TENM4: variants seen among roughly 807,000 people sequenced by gnomAD.
TENM4 encodes the protein teneurin transmembrane protein 4.
TENM4 carries 82 observed loss-of-function variants against 243.3 expected under a neutral mutation model. The observed-to-expected ratio is 0.34, with a 90% CI of 0.28 to 0.40. The LOEUF (loss-of-function observed/expected upper bound fraction) is 0.40, where lower values mean the gene tolerates loss of function less well. TENM4 is among the 10% of genes least tolerant of loss of function. TENM4 has a pLI of 1.00. For missense variants in TENM4, 3,138 were observed against 3,673.3 expected (o/e 0.85, Z 3.77); for synonymous variants, 1,412 against 1,456.3 (o/e 0.97, Z 0.69).
chr11:78,675,123 T>A (rs1858434215), intron 30 of TENM4, among the ~76,000 whole-genome samples: 1 of 152,086 alleles, frequency 6.6e-6, no homozygotes, highest in African/African-American at 2.4e-5. Context: ...TGCCTCAGCC[T>A]CCCAAAGTGC....
intron 12 of TENM4, among the ~76,000 whole-genome samples, chr11:78,820,410 A>G (rs1271900171): frequency 1.3e-5 from 2 of 152,210 alleles, no homozygotes; most frequent in African/African-American, 4.8e-5. Flanking sequence ...TGGGCTCTGG[A>G]ACCCTTACTA....
At chr11:79,344,400 G>A (rs571215763) in intron 1 of TENM4, among the ~76,000 whole-genome samples, 31 of 152,290 alleles carry the variant, frequency 2.0e-4, no homozygotes, top group African/African-American at 7.2e-4. Context: ...CGCTACTCGG[G>A]CAGAGAGGGA....
chr11:79,287,058 C>T (rs778881993), intron 2 of TENM4, among the ~76,000 whole-genome samples: 1 of 152,208 alleles, frequency 6.6e-6, no homozygotes, highest in Non-Finnish European at 1.5e-5. Flanking sequence ...TAGAATTTTA[C>T]ATTTGCATAT....
chr11:78,881,930 C>T (rs79690812), intron 9 of TENM4, among the ~76,000 whole-genome samples: 263 of 152,314 alleles, frequency 1.7e-3, no homozygotes, highest in Admixed American at 4.4e-3. Flanking sequence ...TTGCTATTAG[C>T]AATTCCCACA....
Position 78,732,431 on chromosome 11 carries a change from A to G in TENM4, c.3023T>C (p.Ile1008Thr). 1 of 1,613,914 alleles carries G rather than the reference A, an allele frequency of 6.2e-7. No homozygotes were observed. Among genetic ancestry groups the G allele is most frequent in the Non-Finnish European group, 8.5e-7 (1 of 1,179,858 alleles). ...TIIMRHEENE[I>T]PSCDLSNFAR... ...AAAATTGCTCAGGTCACAGCTGGGAATCTCATTCTCCTCATGTCTCATGAT... is the reference window on the plus strand; with the variant it reads ...AAAATTGCTCAGGTCACAGCTGGGAGTCTCATTCTCCTCATGTCTCATGAT... Residue 1008 changes from isoleucine to threonine, a missense_variant, in exon 21 of 34, where the codon ATT becomes ACT. By Grantham distance (89) the Ile-to-Thr change is moderately conservative (BLOSUM62 -1). Around this residue, in one of 2 missense-constraint regions of TENM4, gnomAD observed 2,467 missense variants for 3,059.1 expected, o/e 0.81. Coordinates refer to ENST00000278550, the MANE Select transcript of TENM4 (RefSeq NM_001098816.3).
intron 19 of TENM4, among the ~76,000 whole-genome samples, chr11:78,748,131 C>T (rs1025642931): frequency 3.3e-5 from 5 of 152,156 alleles, no homozygotes; most frequent in Admixed American, 2.0e-4. Flanking sequence ...TCAGTAGTGA[C>T]GCTAAAACCT....
rs1555016068 is a variant in TENM4 at position 79,139,777 on chromosome 11, A to AATATATATTATATAT, written c.-66+8932_-66+8933insATATATAATATATAT. Among the ~76,000 whole-genome samples the AATATATATTATATAT allele has an allele frequency of 8.2e-3, 219 of 26,786 alleles. 16 individuals are homozygous for AATATATATTATATAT. The highest frequency in any genetic ancestry group is 0.011 in the Non-Finnish European group (187 of 16,304). 17.6% of individuals were successfully genotyped at this position (26,786 alleles called of 152,430 possible). A position where few individuals can be genotyped will look rare whatever the true frequency, so the allele number is the denominator to read the frequency against. ...ATATATTATATTTATATAAATATAT[A>AATATATATTATATAT]ATATATATTATATTTATATAAATAT... On this transcript the variant is annotated intron_variant, in intron 4 of 33. Transcript: ENST00000278550.
At chr11:79,239,495 C>T (rs1864548115) in intron 2 of TENM4, among the ~76,000 whole-genome samples, 1 of 151,964 alleles carries the variant, frequency 6.6e-6, no homozygotes, top group Admixed American at 6.6e-5. Flanking sequence ...AGTGTGGGAC[C>T]AACTTAGGAG....
intron 18 of TENM4, among the ~76,000 whole-genome samples, chr11:78,769,931 G>A (rs1365667669): frequency 6.6e-6 from 1 of 152,200 alleles, no homozygotes; most frequent in Non-Finnish European, 1.5e-5. Context: ...TTTGGGGTTT[G>A]AGAATCCCTC....
At chr11:79,402,514 A>T (rs919205569) in intron 1 of TENM4, among the ~76,000 whole-genome samples, 1 of 152,050 alleles carries the variant, frequency 6.6e-6, no homozygotes, top group African/African-American at 2.4e-5. Context: ...CAATTATTCA[A>T]TGCATTTTGG....
chr11:79,361,415 C>T lies in TENM4; in HGVS notation c.-320-63872G>A, dbSNP rs117496364. Among the ~76,000 whole-genome samples the T allele has an allele frequency of 1.4e-3, 212 of 152,294 alleles. 3 individuals are homozygous for T. The East Asian group carries it at 0.033, about 24-fold the overall frequency. On this transcript the variant is annotated intron_variant, in intron 1 of 33. Transcript: ENST00000278550. Reference sequence around the variant, plus strand: ...GTATGAACTAAATTCATCATCAGCTCCAAACCCTTCAATGAATCCTCATCC... The same window carrying T: ...GTATGAACTAAATTCATCATCAGCTTCAAACCCTTCAATGAATCCTCATCC...
intron 12 of TENM4, among the ~76,000 whole-genome samples, chr11:78,843,255 G>A (rs1222167399): frequency 1.3e-5 from 2 of 152,200 alleles, no homozygotes; most frequent in Non-Finnish European, 2.9e-5. Context: ...TCCAGCCTGG[G>A]TGACAAGAAT....
intron 29 of TENM4, among the ~76,000 whole-genome samples, chr11:78,685,941 T>C (rs1481256703): frequency 1.3e-5 from 2 of 152,240 alleles, no homozygotes; most frequent in Admixed American, 6.5e-5. Flanking sequence ...CCCCTTCTCA[T>C]AGTCTTTGGT....
chr11:79,405,864 A>C (rs1189122898), intron 1 of TENM4, among the ~76,000 whole-genome samples: 4 of 151,596 alleles, frequency 2.6e-5, no homozygotes, highest in African/African-American at 4.8e-5. Context: ...AAAAAAAAAA[A>C]AAAAAAACAA....
chr11:79,004,941 CAAAA>C lies in TENM4; in HGVS notation c.493+59793_493+59796del, dbSNP rs58631195. On this transcript the variant is annotated intron_variant, in intron 6 of 33. Transcript: ENST00000278550. The stretch of plus-strand genomic sequence containing the variant: ...ATTATTAATGATCCCATAGAAATAC[CAAAA>C]AAAAAAAAAAAAAAAACAACTCTGA... Among the ~76,000 whole-genome samples, 639 of 87,808 alleles carry C rather than the reference CAAAA, an allele frequency of 7.3e-3. 10 individuals carry two copies. The highest frequency in any genetic ancestry group is 0.023 in the African/African-American group (615 of 26,426). 57.6% of individuals were successfully genotyped at this position (87,808 alleles called of 152,430 possible). A position where few individuals can be genotyped will look rare whatever the true frequency, so the allele number is the denominator to read the frequency against.
At chr11:79,347,540 G>A (rs1857344933) in intron 1 of TENM4, among the ~76,000 whole-genome samples, 1 of 152,062 alleles carries the variant, frequency 6.6e-6, no homozygotes, top group Non-Finnish European at 1.5e-5. Flanking sequence ...CCCCAGGGAG[G>A]ACCTCATTCT....
intron 27 of TENM4, among the ~76,000 whole-genome samples, chr11:78,706,593 G>C (rs1447479441): frequency 6.6e-6 from 1 of 152,184 alleles, no homozygotes; most frequent in South Asian, 2.1e-4. Context: ...AGGTAGTGAG[G>C]GCCTTTAGAG....
chr11:78,916,948 G>A (rs939127916), intron 6 of TENM4, among the ~76,000 whole-genome samples: 1 of 152,164 alleles, frequency 6.6e-6, no homozygotes, highest in South Asian at 2.1e-4. Context: ...TACTTTTGAT[G>A]CCTCCTAGAG....
intron 9 of TENM4, among the ~76,000 whole-genome samples, chr11:78,872,318 C>A (rs1295309439): frequency 6.6e-6 from 1 of 152,182 alleles, no homozygotes; most frequent in Non-Finnish European, 1.5e-5. Context: ...GTGCTTAAAC[C>A]TAGTACAATG....
Sources: allele counts gnomAD v4.1 joint callset (sites outside exome capture counted in the v4.1 genomes callset), GRCh38; gene constraint gnomAD v4.1.1; regional missense constraint gnomAD v4.1.1; transcripts MANE v1.5; gene names NCBI Gene and HGNC (gene_info 2026-07-23, HGNC 2026-07-21).